The following FTSJ3 variants were observed in gnomAD, a reference collection of about 807,000 sequenced individuals.
FTSJ3 encodes the protein pre-rRNA 2'-O-ribose RNA methyltransferase FTSJ3.
Under a neutral mutation model 111.5 loss-of-function variants are expected in FTSJ3, and 46 were observed. The ratio of observed to expected loss-of-function variants is 0.41; its 90% CI spans 0.33 to 0.53. FTSJ3 has a LOEUF of 0.53. FTSJ3 is among the 20% of genes least tolerant of loss of function. The pLI, the probability that FTSJ3 is intolerant of heterozygous loss-of-function variation, is 0.19. For synonymous variants in FTSJ3, 408 were observed against 383.0 expected (o/e 1.07, Z -0.76); for missense variants, 1,075 against 1,063.8 (o/e 1.01, Z -0.15).
At chr17:63,826,724 G>A (rs2040109001) in intron 2 of FTSJ3, 52 bp from the exon 3 acceptor site, 1 of 1,566,844 alleles carries the variant, frequency 6.4e-7, no homozygotes. Flanking sequence ...GATTTCTCCG[G>A]CCTCGCAACC....
In FTSJ3 at chr17:63,824,206, C is replaced by G. The variant is rs115601892; in HGVS notation, c.1032G>C (p.Glu344Asp). Reference protein sequence around the residue: ...LSSGEEDEGDEEDSTAGTTKQ... With the variant: ...LSSGEEDEGDDEDSTAGTTKQ... ...TTGTGGTTCCAGCTGTTGAGTCCTCCTCATCACCTTCATCTTCCTCTCCAG... is the reference window on the plus strand; with the variant it reads ...TTGTGGTTCCAGCTGTTGAGTCCTCGTCATCACCTTCATCTTCCTCTCCAG... Residue 344 changes from glutamate to aspartate, a missense_variant, in exon 12 of 21, where the codon GAG becomes GAC. Physicochemically the swap from Glu to Asp is conservative, Grantham distance 45. Transcript: ENST00000427159. 6.2e-7 allele frequency: 1 copy of G among 1,614,132 alleles called. No individual in the cohort carries two copies. The highest frequency in any genetic ancestry group is 2.2e-5 in the East Asian group (1 of 44,884).
At chr17:63,820,959 G>T (rs934846941) in intron 17 of FTSJ3, 21 bp from the exon 18 acceptor site, 1 of 1,611,948 alleles carries the variant, frequency 6.2e-7, no homozygotes, top group Non-Finnish European at 8.5e-7. Context: ...AAGGAGAAAG[G>T]TCAAAGCTCA....
At chr17:63,820,499 G>C in intron 18 of FTSJ3, 61 bp from the exon 19 acceptor site, 1 of 1,550,080 alleles carries the variant, frequency 6.5e-7, no homozygotes, top group Non-Finnish European at 8.9e-7. Context: ...GAAATTACCA[G>C]ACTGGGCACG....
rs1341681444 is a variant in FTSJ3 at position 63,821,045 on chromosome 17, G to A, written c.1957C>T (p.Pro653Ser). ...GAGCTCTCACCTGGGTCCTCAATAG[G>A]CACTATCTCAAACCCGTCATCATCT... ...KSDDDGFEIV[P>S]IEDPAKHRIL... Residue 653 changes from proline (P) to serine (S), a missense_variant, in exon 17 of 21, where the codon CCT (proline) becomes TCT (serine). Physicochemically the swap from Pro to Ser is moderately conservative, Grantham distance 74. Around this residue, in one of 2 missense-constraint regions of FTSJ3, gnomAD observed 867 missense variants for 796.9 expected, o/e 1.09. Transcript: ENST00000427159. The A allele has an allele frequency of 3.7e-6, 6 of 1,613,900 alleles. No individual in the cohort carries two copies. The East Asian group carries it at 8.9e-5, about 24-fold the overall frequency.
rs1598348059 is a variant in FTSJ3 at position 63,820,128 on chromosome 17, C to T, written c.2302G>A (p.Val768Met). ...CGTTCTGAGATGTCCACTGTGTTCA[C>T]CACGGCTTCTGCCTTCTTCCTGGTC... ...EQTRKKAEAV[V>M]NTVDISEREK... is the part of the protein sequence containing the mutation. Residue 768 changes from valine to methionine, a missense_variant, in exon 20 of 21, where the codon GTG becomes ATG. Physicochemically the swap from Val to Met is conservative, Grantham distance 21. Around this residue, in one of 2 missense-constraint regions of FTSJ3, gnomAD observed 867 missense variants for 796.9 expected, o/e 1.09. Coordinates refer to ENST00000427159, the MANE Select transcript of FTSJ3 (RefSeq NM_017647.4). 1 of 1,614,182 alleles carries T rather than the reference C, an allele frequency of 6.2e-7. No homozygotes were observed. The highest frequency in any genetic ancestry group is 1.1e-5 in the South Asian group (1 of 91,080).
At chr17:63,822,797 A>G (rs1313487262) in intron 13 of FTSJ3, among the ~76,000 whole-genome samples, 1 of 151,880 alleles carries the variant, frequency 6.6e-6, no homozygotes, top group African/African-American at 2.4e-5. Flanking sequence ...CTCAAAGGAA[A>G]AACTCCAACT....
chr17:63,820,701 A>C, intron 18 of FTSJ3, 138 bp downstream of exon 18: 1 of 172,640 alleles, frequency 5.8e-6, no homozygotes, highest in Non-Finnish European at 9.0e-6. Context: ...TTCAAGGAGA[A>C]TCAGGCTGCA....
At position 63,824,211 on chromosome 17, in the gene FTSJ3, C is replaced by A; in HGVS notation, c.1027G>T (p.Asp343Tyr). 1.2e-6 allele frequency: 2 copies of A among 1,614,182 alleles called. No individual in the cohort carries two copies. The highest frequency in any genetic ancestry group is 1.7e-6 in the Non-Finnish European group (2 of 1,180,034). ...GTTCCAGCTGTTGAGTCCTCCTCAT[C>A]ACCTTCATCTTCCTCTCCAGAGCTG... ...SLSSGEEDEG[D>Y]EEDSTAGTTK... The change falls in exon 12 of 21, where the codon GAT becomes TAT. Residue 343 changes from aspartate (D) to tyrosine (Y), a missense_variant. Coordinates refer to ENST00000427159, the MANE Select transcript of FTSJ3 (RefSeq NM_017647.4).
Position 63,827,355 on chromosome 17 carries a change from T to C in FTSJ3, c.-330A>G, listed in dbSNP as rs575604505. On this transcript the variant is annotated 5_prime_UTR_variant, in exon 1 of 21. Coordinates refer to ENST00000427159, the MANE Select transcript of FTSJ3 (RefSeq NM_017647.4). The stretch of plus-strand genomic sequence containing the variant: ...AGCCGCCCCTCCCATCATGGTTCCC[T>C]TAGTGTGGTCTCGCCGCACACCCCG... The C allele has an allele frequency of 1.7e-6, 2 of 1,212,008 alleles. No homozygotes were observed. Among genetic ancestry groups the C allele is most frequent in the African/African-American group, 3.0e-5 (2 of 66,216 alleles). The allele number at this position is 1,212,008 out of a possible 1,614,324, so 75.1% of individuals were successfully genotyped here. A position where few individuals can be genotyped will look rare whatever the true frequency, so the allele number is the denominator to read the frequency against.
In FTSJ3 at chr17:63,825,193, T is replaced by C. The variant is rs747823765; in HGVS notation, c.596-30A>G. On this transcript the variant is annotated intron_variant, in intron 7 of 20. Transcript: ENST00000427159. Reference sequence around the variant, plus strand: ...AAATGACAGGATATATTAAAAAGTGTGCTTTGGGAGTTGGGAGCCTGGATC... The same window carrying C: ...AAATGACAGGATATATTAAAAAGTGCGCTTTGGGAGTTGGGAGCCTGGATC... 13 of 1,613,810 alleles carry C rather than the reference T, an allele frequency of 8.1e-6. No homozygotes were observed. The South Asian group carries it at 1.2e-4, about 15-fold the overall frequency.
Position 63,824,908 on chromosome 17 carries a change from C to G in FTSJ3, c.733G>C (p.Asp245His). 1 of 1,587,288 alleles carries G rather than the reference C, an allele frequency of 6.3e-7. No individual in the cohort carries two copies. The highest frequency in any genetic ancestry group is 8.6e-7 in the Non-Finnish European group (1 of 1,166,012). The change falls in exon 9 of 21, where the codon GAC (aspartate) becomes CAC (histidine). Residue 245 changes from aspartate (D) to histidine (H), a missense_variant. Asp to His is a moderately conservative substitution (Grantham distance 81). This residue lies in a region of FTSJ3 where 867 missense variants were observed against 796.9 expected (regional missense o/e 1.09). Coordinates refer to ENST00000427159, the MANE Select transcript of FTSJ3 (RefSeq NM_017647.4). ...GAGGTACGGTGATAGAGAGTGAGGT[C>G]ACCCTCAGCATAGCCTTCAGCCTTA... ...KPKAEGYAEG[D>H]LTLYHRTSVT...
Position 63,822,159 on chromosome 17 carries a change from C to A in FTSJ3, c.1300G>T (p.Glu434Ter). 6.2e-7 allele frequency: 1 copy of A among 1,613,224 alleles called. No homozygotes were observed. Among genetic ancestry groups the A allele is most frequent in the Non-Finnish European group, 8.5e-7 (1 of 1,179,550 alleles). Residue 434 changes from glutamate (E) to a stop codon, truncating the protein, a stop_gained, in exon 14 of 21, where the codon GAA becomes TAA. Coordinates refer to ENST00000427159, the MANE Select transcript of FTSJ3 (RefSeq NM_017647.4). LOFTEE classifies it high-confidence loss of function. ...GCACTCATATCCCCTTGTGTTACTT[C>A]CTCTAATAACTGAAGTGTAACAGAA... The part of the protein sequence containing the change: ...STIRGHQLLE[E>*]VTQGDMSAAD...
chr17:63,824,781 A>G (rs1415713891), intron 9 of FTSJ3, 44 bp from the exon 10 acceptor site: 1 of 1,605,678 alleles, frequency 6.2e-7, no homozygotes, highest in African/African-American at 1.3e-5. Flanking sequence ...TCCTCAGGCC[A>G]TGTTTCTGGG....
Position 63,820,243 on chromosome 17 carries a change from C to G in FTSJ3, c.2256+12G>C. 1 of 1,525,376 alleles carries G rather than the reference C, an allele frequency of 6.6e-7. No homozygotes were observed. The highest frequency in any genetic ancestry group is 8.9e-7 in the Non-Finnish European group (1 of 1,118,072). 94.5% of individuals were successfully genotyped at this position (1,525,376 alleles called of 1,614,324 possible). ...CCCACCCCACCCAATCTCTGGAGGC[C>G]CCATCACTTACCCTCCTTTTCTTTC... On this transcript the variant is annotated intron_variant, in intron 19 of 20. Transcript: ENST00000427159.
rs779223816 is a variant in FTSJ3 at position 63,826,828 on chromosome 17, G to A, written c.67+8C>T. ...GCTCGCTCGCAGACTGAGCGAATCC[G>A]GACTCACCCGTCTCCTTCGCCAAGT... On this transcript the variant is annotated splice_region_variant and intron_variant, in intron 2 of 20. Transcript: ENST00000427159. 3.7e-6 allele frequency: 6 copies of A among 1,613,500 alleles called. No individual in the cohort carries two copies. The highest frequency in any genetic ancestry group is 3.3e-5 in the Admixed American group (2 of 60,020).
intron 13 of FTSJ3, among the ~76,000 whole-genome samples, chr17:63,823,003 C>T (rs1327960603): frequency 6.6e-6 from 1 of 152,188 alleles, no homozygotes; most frequent in East Asian, 1.9e-4. Context: ...GAGCCTGTGT[C>T]TGCTCTAGGG....
intron 16 of FTSJ3, 79 bp from the exon 17 acceptor site, chr17:63,821,194 C>T: frequency 6.4e-7 from 1 of 1,559,918 alleles, no homozygotes; most frequent in African/African-American, 1.4e-5. Flanking sequence ...TTGCAAAAAT[C>T]CTGCCATGCA....
Position 63,822,001 on chromosome 17 carries a change from A to C in FTSJ3, c.1458T>G (p.Gly486=). Reference sequence around the variant, plus strand: ...CCCCTTACCGCTTTTGGTCCCTTAGACCCTGATGTCCCCTGACTCCTGCCA... The same window carrying C: ...CCCCTTACCGCTTTTGGTCCCTTAGCCCCTGATGTCCCCTGACTCCTGCCA... ...EELAGVRGHQ[G]LRDQKRMRLT... The change falls in exon 14 of 21, where the codon GGT becomes GGG. Residue 486 remains glycine, a synonymous_variant. Transcript: ENST00000427159. 3 of 1,613,816 alleles carry C rather than the reference A, an allele frequency of 1.9e-6. No homozygotes were observed. The highest frequency in any genetic ancestry group is 2.5e-6 in the Non-Finnish European group (3 of 1,179,946).
At position 63,826,620 on chromosome 17, in the gene FTSJ3, C is replaced by T. The variant is rs150113139; in HGVS notation, c.120G>A (p.Gln40=). Residue 40 remains glutamine (Q), a synonymous_variant, in exon 3 of 21, where the codon CAG becomes CAA. Transcript: ENST00000427159. The part of the protein sequence containing the change: ...FKLIQLNRRF[Q]FLQKARALLD... ...GCAAGGCTCGGGCTTTCTGCAGGAA[C>T]TGAAAGCGGCGATTGAGCTGGATCA... is the stretch of plus-strand genomic sequence containing the variant. 3.5e-4 allele frequency: 570 copies of T among 1,614,178 alleles called. No homozygotes were observed. In the African/African-American group the frequency reaches 6.7e-3, roughly 19 times the overall value.
Sources: gnomAD v4.1 joint callset for allele counts (sites outside exome capture counted in the v4.1 genomes callset) on GRCh38, gnomAD v4.1.1 for gene constraint, gnomAD v4.1.1 regional missense constraint, MANE v1.5 for transcripts, NCBI Gene and HGNC (gene_info 2026-07-23, HGNC 2026-07-21) for gene names.